Variants in SEMA3D observed in about 807,000 individuals in gnomAD.
SEMA3D encodes the protein semaphorin 3D, also known as semaphorin-3D.
SEMA3D carries 84 observed loss-of-function variants against 100.1 expected under a neutral mutation model. That is an observed-to-expected ratio of 0.84 (90% CI 0.70 to 1.01). SEMA3D has a LOEUF of 1.01. Ranked by LOEUF, SEMA3D falls within the 50% of genes least tolerant of loss-of-function variation. SEMA3D has a pLI of 0.00. For synonymous variants in SEMA3D, 312 were observed against 320.7 expected (o/e 0.97, Z 0.29); for missense variants, 875 against 934.1 (o/e 0.94, Z 0.82).
rs375083385 is a variant in SEMA3D, at chr7:85,092,997, AAAT to A, written c.312+4805_312+4807del. 3.6e-3 allele frequency among the ~76,000 whole-genome samples: 551 copies of A among 152,232 alleles called. 3 individuals are homozygous for A. The highest frequency in any genetic ancestry group is 0.013 in the African/African-American group (539 of 41,572). On this transcript the variant is annotated intron_variant, in intron 4 of 18. Transcript: ENST00000284136. ...CAAGGCTATCTACTGAAAGAAAAAT[AAAT>A]TCTTCCAGATAATTTTCTTGTAGAA... is the stretch of plus-strand genomic sequence containing the variant.
At chr7:85,013,099 AT>A (rs918263982) in intron 16 of SEMA3D, among the ~76,000 whole-genome samples, 1 of 151,632 alleles carries the variant, frequency 6.6e-6, no homozygotes, top group East Asian at 1.9e-4. Context: ...CTTTTTCTCT[AT>A]TTTTTTCACA....
intron 12 of SEMA3D, among the ~76,000 whole-genome samples, chr7:85,033,225 G>C (rs1360931450): frequency 6.6e-6 from 1 of 152,116 alleles, no homozygotes; most frequent in Non-Finnish European, 1.5e-5. Flanking sequence ...ATTCTGAGTA[G>C]TCGGCAGAAG....
At chr7:85,131,155 C>A (rs1006509280) in intron 2 of SEMA3D, among the ~76,000 whole-genome samples, 1 of 151,986 alleles carries the variant, frequency 6.6e-6, no homozygotes, top group Non-Finnish European at 1.5e-5. Context: ...GTTTTAAAGA[C>A]AATTCATGAT....
intron 2 of SEMA3D, among the ~76,000 whole-genome samples, chr7:85,129,643 T>A (rs919823313): frequency 3.3e-5 from 5 of 152,072 alleles, no homozygotes; most frequent in Non-Finnish European, 7.4e-5. Context: ...TAACATGGGG[T>A]TATACCTACT....
the SEMA3D span, among the ~76,000 whole-genome samples, chr7:85,202,138 A>T: frequency 4.0e-5 from 6 of 150,944 alleles, no homozygotes; most frequent in African/African-American, 1.5e-4. Flanking sequence ...TACATGTGCC[A>T]TGCTGGTGTG....
intron 12 of SEMA3D, chr7:85,027,878 T>C: frequency 1.8e-6 from 1 of 566,772 alleles, no homozygotes; most frequent in South Asian, 1.5e-5. Context: ...CCTACTATTA[T>C]ATGGGTGTTT....
intron 1 of SEMA3D, among the ~76,000 whole-genome samples, chr7:85,157,437 A>C (rs1332817797): frequency 7.2e-5 from 11 of 152,162 alleles, no homozygotes; most frequent in Admixed American, 7.2e-4. Flanking sequence ...TGGTATGCTT[A>C]ACCAGCTCCC....
intron 4 of SEMA3D, among the ~76,000 whole-genome samples, chr7:85,090,343 C>T (rs1016175666): frequency 1.3e-5 from 2 of 152,064 alleles, no homozygotes; most frequent in Non-Finnish European, 2.9e-5. Context: ...CATCAGCACC[C>T]GGGCTAGGGA....
intron 1 of SEMA3D, among the ~76,000 whole-genome samples, chr7:85,162,725 G>A (rs1790779286): frequency 6.6e-6 from 1 of 152,100 alleles, no homozygotes; most frequent in Non-Finnish European, 1.5e-5. Flanking sequence ...AAGACTGGAA[G>A]CTCTGTCAAG....
intron 13 of SEMA3D, among the ~76,000 whole-genome samples, chr7:85,021,042 GA>G (rs557798651): frequency 0.03 from 4,381 of 147,146 alleles, 209 homozygotes; most frequent in African/African-American, 0.098. Flanking sequence ...TTTAGAAAAA[GA>G]AAAAAAAAAT....
chr7:85,191,282 G>A (rs1791689665), upstream of SEMA3D, among the ~76,000 whole-genome samples: 4 of 152,110 alleles, frequency 2.6e-5, no homozygotes, highest in Admixed American at 2.0e-4. Flanking sequence ...GGATAATTTA[G>A]TCAGATAAAT....
intron 6 of SEMA3D, among the ~76,000 whole-genome samples, chr7:85,069,969 T>G (rs547941660): frequency 1.3e-5 from 2 of 152,204 alleles, no homozygotes; most frequent in Admixed American, 6.5e-5. Context: ...GAATGTTAAG[T>G]GACTAGAATG....
At position 85,028,967 on chromosome 7, in the gene SEMA3D, A is replaced by G. The variant is rs190586320; in HGVS notation, c.1192-6354T>C. On this transcript the variant is annotated intron_variant, in intron 12 of 18. Transcript: ENST00000284136. Reference sequence around the variant, plus strand: ...ATGCAGCTGTCCAGGCAGCCGTCCTATCTAGAGACATCTCAAAATGTTCAA... The same window carrying G: ...ATGCAGCTGTCCAGGCAGCCGTCCTGTCTAGAGACATCTCAAAATGTTCAA... 81 of 349,708 alleles carry G rather than the reference A, an allele frequency of 2.3e-4. 1 individual carries two copies. The highest frequency in any genetic ancestry group is 7.4e-4 in the Admixed American group (21 of 28,404). 21.7% of individuals were successfully genotyped at this position (349,708 alleles called of 1,614,324 possible).
chr7:85,091,001 GAGAA>G (rs959035811), intron 4 of SEMA3D, among the ~76,000 whole-genome samples: 1 of 147,740 alleles, frequency 6.8e-6, no homozygotes, highest in African/African-American at 2.5e-5. Flanking sequence ...AAAGAAGAAA[GAGAA>G]AGAAAGAAAC....
chr7:85,118,041 A>C (rs1789296400), intron 3 of SEMA3D, among the ~76,000 whole-genome samples: 1 of 151,986 alleles, frequency 6.6e-6, no homozygotes, highest in African/African-American at 2.4e-5. Context: ...ATATCTTATA[A>C]ATTGACATGT....
At chr7:85,241,112 C>A in the SEMA3D span, among the ~76,000 whole-genome samples, 1 of 151,680 alleles carries the variant, frequency 6.6e-6, no homozygotes, top group African/African-American at 2.4e-5. Flanking sequence ...AAAACCACAA[C>A]GAAATACCAC....
At chr7:85,196,327 A>G in the SEMA3D span, among the ~76,000 whole-genome samples, 2 of 151,452 alleles carry the variant, frequency 1.3e-5, no homozygotes, top group African/African-American at 2.4e-5. Context: ...GAAAGGAAAA[A>G]CAATATCATT....
At chr7:85,072,836 G>A in intron 6 of SEMA3D, 126 bp downstream of exon 6, 1 of 716,914 alleles carries the variant, frequency 1.4e-6, no homozygotes, top group Non-Finnish European at 2.2e-6. Context: ...ATTACAGGCA[G>A]GCACCTCCAT....
At chr7:85,029,942 G>T (rs934828584) in intron 12 of SEMA3D, among the ~76,000 whole-genome samples, 2 of 151,736 alleles carry the variant, frequency 1.3e-5, no homozygotes, top group Non-Finnish European at 2.9e-5. Context: ...ATCAAAAAAA[G>T]ATTAAACAAA....
Sources: gnomAD v4.1 joint callset for allele counts (sites outside exome capture counted in the v4.1 genomes callset) on GRCh38, gnomAD v4.1.1 for gene constraint, MANE v1.5 for transcripts, NCBI Gene and HGNC (gene_info 2026-07-23, HGNC 2026-07-21) for gene names.